BMI1: variants seen among roughly 807,000 people sequenced by gnomAD.
The protein encoded by BMI1 is polycomb complex protein BMI-1.
In BMI1, 9 loss-of-function variants were observed where a neutral mutation model predicts 39.1. That is an observed-to-expected ratio of 0.23 (90% CI 0.14 to 0.40). The LOEUF (loss-of-function observed/expected upper bound fraction) is 0.40, where lower values mean the gene tolerates loss of function less well. Among genes scored for constraint, BMI1 ranks in the 10% least tolerant of loss-of-function variants. The pLI, the probability that BMI1 is intolerant of heterozygous loss-of-function variation, is 1.00. For missense variants in BMI1, 252 were observed against 390.8 expected (o/e 0.64, Z 2.99); for synonymous variants, 131 against 127.9 (o/e 1.02, Z -0.16).
Position 22,321,838 on chromosome 10 carries a change from C to G in BMI1, c.-20+142C>G, listed in dbSNP as rs1192842366. 14 of 143,354 alleles carry G rather than the reference C, an allele frequency of 9.8e-5. 1 individual carries two copies. The highest frequency in any genetic ancestry group is 2.2e-4 in the African/African-American group (9 of 40,030). 8.9% of individuals were successfully genotyped at this position (143,354 alleles called of 1,614,324 possible). A position where few individuals can be genotyped will look rare whatever the true frequency, so the allele number is the denominator to read the frequency against. ...GGAGGGCGCTGACAGCGTGGGCGCC[C>G]GGCCCCGCGCCCCGCGCCGCCCGCC... On this transcript the variant is annotated intron_variant, in intron 1 of 9. Transcript: ENST00000376663.
In BMI1 at chr10:22,328,171, A is replaced by G. The variant is rs1836201168; in HGVS notation, c.463A>G (p.Lys155Glu). 1 of 1,600,148 alleles carries G rather than the reference A, an allele frequency of 6.2e-7. No homozygotes were observed. The highest frequency in any genetic ancestry group is 8.5e-7 in the Non-Finnish European group (1 of 1,176,114). The change falls in exon 7 of 10, where the codon AAG becomes GAG. Residue 155 changes from lysine to glutamate, a missense_variant. Coordinates refer to ENST00000376663, the MANE Select transcript of BMI1 (RefSeq NM_005180.9). The stretch of plus-strand genomic sequence containing the variant: ...AGTAAACAAAGACAAAGAGAAATCT[A>G]AGGAGGAGGTATGTTTCATGTTACA... Reference protein sequence around the residue: ...RKVNKDKEKSKEEVNDKRYLR... With the variant: ...RKVNKDKEKSEEEVNDKRYLR...
intron 7 of BMI1, 103 bp from the exon 8 acceptor site, chr10:22,328,497 A>G: frequency 1.6e-6 from 2 of 1,240,412 alleles, no homozygotes; most frequent in Non-Finnish European, 1.1e-6. Context: ...GTCACCTCCA[A>G]TTTTGTTTGA....
intron 7 of BMI1, 106 bp from the exon 8 acceptor site, chr10:22,328,494 C>T: frequency 8.4e-7 from 1 of 1,195,522 alleles, no homozygotes; most frequent in Non-Finnish European, 1.1e-6. Context: ...TTGGTCACCT[C>T]CAATTTTGTT....
intron 1 of BMI1, chr10:22,325,585 G>A (rs970286730): frequency 1.3e-4 from 1 of 7,526 alleles, no homozygotes; most frequent in African/African-American, 5.2e-4. Flanking sequence ...CACCCACCCC[G>A]CCCCCGCGCC....
rs775042796 is a variant in BMI1 at position 22,331,065 on chromosome 10, C to T, written c.*1523C>T. 6.6e-6 allele frequency: 1 copy of T among 152,548 alleles called. No homozygotes were observed. The highest frequency in any genetic ancestry group is 1.5e-5 in the Non-Finnish European group (1 of 67,986). 9.4% of individuals were successfully genotyped at this position (152,548 alleles called of 1,614,324 possible). A position where few individuals can be genotyped will look rare whatever the true frequency, so the allele number is the denominator to read the frequency against. ...TATAGTCATTAAATCATTACTTTTACATATATTGCTGTTACTTCTGCTTTC... is the reference window on the plus strand; with the variant it reads ...TATAGTCATTAAATCATTACTTTTATATATATTGCTGTTACTTCTGCTTTC... On this transcript the variant is annotated 3_prime_UTR_variant, in exon 10 of 10. Coordinates refer to ENST00000376663, the MANE Select transcript of BMI1 (RefSeq NM_005180.9).
At chr10:22,322,823 C>T (rs1341206689) in intron 1 of BMI1, among the ~76,000 whole-genome samples, 1 of 152,176 alleles carries the variant, frequency 6.6e-6, no homozygotes. Flanking sequence ...CATATGTTTA[C>T]GCAGTCACTT....
chr10:22,321,857 G>T (rs1836008578), intron 1 of BMI1, among the ~76,000 whole-genome samples, 161 bp downstream of exon 1: 1 of 142,900 alleles, frequency 7.0e-6, no homozygotes, highest in African/African-American at 2.5e-5. Flanking sequence ...GCCCCGCGCC[G>T]CCCGCCCCGC....
In BMI1 at chr10:22,329,434, TA is replaced by T; in HGVS notation, c.874del (p.Thr292LeufsTer2). ...PHPQFPHISS[T>X]MNGTSNSPSG... The stretch of plus-strand genomic sequence containing the variant: ...ATCCACAGTTTCCTCACATTTCCAG[TA>T]CTATGAATGGAACCAGCAACAGCCC... On this transcript the variant is annotated frameshift_variant, in exon 10 of 10. Coordinates refer to ENST00000376663, the MANE Select transcript of BMI1 (RefSeq NM_005180.9). LOFTEE classifies it high-confidence loss of function. 6.2e-7 allele frequency: 1 copy of T among 1,614,170 alleles called. No homozygotes were observed. The highest frequency in any genetic ancestry group is 8.5e-7 in the Non-Finnish European group (1 of 1,180,010).
At position 22,329,518 on chromosome 10, in the gene BMI1, G is replaced by A. The variant is rs750969308; in HGVS notation, c.957G>A (p.Gly319=). ...GACCTCGAAAATCATCAGTAAATGG[G>A]TCATCAGCAACTTCTTCTGGTTGAT... is the stretch of plus-strand genomic sequence containing the variant. ...ANRPRKSSVN[G]SSATSSG is the part of the protein sequence containing the mutation. The change falls in exon 10 of 10, where the codon GGG becomes GGA. Residue 319 remains glycine, a synonymous_variant. Transcript: ENST00000376663. The A allele has an allele frequency of 7.4e-6, 12 of 1,613,820 alleles. No individual in the cohort carries two copies. The Middle Eastern group carries it at 4.9e-4, about 66-fold the overall frequency.
intron 8 of BMI1, 111 bp from the exon 9 acceptor site, chr10:22,328,937 A>T: frequency 8.3e-7 from 1 of 1,203,740 alleles, no homozygotes; most frequent in Non-Finnish European, 1.1e-6. Flanking sequence ...TTTCTTTGTT[A>T]AAATGTTTGG....
chr10:22,326,717 A>G (rs781673647), intron 2 of BMI1, 156 bp downstream of exon 2: 2 of 1,331,510 alleles, frequency 1.5e-6, no homozygotes, highest in Non-Finnish European at 2.0e-6. Flanking sequence ...TTTTGTTAAT[A>G]TGTATTGATT....
At chr10:22,328,294 G>C (rs1588621158) in intron 7 of BMI1, 115 bp downstream of exon 7, 1 of 1,205,208 alleles carries the variant, frequency 8.3e-7, no homozygotes, top group East Asian at 2.6e-5. Flanking sequence ...AAATGGTCAT[G>C]TTTAATGTTT....
Position 22,329,636 on chromosome 10 carries a change from T to G in BMI1, c.*94T>G. The G allele has an allele frequency of 7.1e-7, 1 of 1,416,256 alleles. No individual in the cohort carries two copies. The highest frequency in any genetic ancestry group is 2.4e-5 in the East Asian group (1 of 42,216). The allele number at this position is 1,416,256 out of a possible 1,614,324, so 87.7% of individuals were successfully genotyped here. A position where few individuals can be genotyped will look rare whatever the true frequency, so the allele number is the denominator to read the frequency against. ...CTTTCTAGATGCTAATACATGTGAC[T>G]ATCGTCCAATTTGCTTTCTTTTGTA... On this transcript the variant is annotated 3_prime_UTR_variant, in exon 10 of 10. Coordinates refer to ENST00000376663, the MANE Select transcript of BMI1 (RefSeq NM_005180.9).
chr10:22,326,376 A>G, intron 1 of BMI1, 55 bp from the exon 2 acceptor site: 1 of 1,599,628 alleles, frequency 6.3e-7, no homozygotes, highest in Non-Finnish European at 8.5e-7. Flanking sequence ...TGTGATTACT[A>G]GATGATCTCC....
intron 1 of BMI1, among the ~76,000 whole-genome samples, chr10:22,322,783 C>G (rs979939997): frequency 2.6e-5 from 4 of 152,152 alleles, no homozygotes; most frequent in African/African-American, 9.7e-5. Context: ...CAAAGGGATG[C>G]TTTAGAAAAG....
intron 1 of BMI1, among the ~76,000 whole-genome samples, chr10:22,324,555 A>G (rs767183323): frequency 5.3e-5 from 8 of 152,328 alleles, no homozygotes; most frequent in Admixed American, 6.5e-5. Flanking sequence ...GGTCACTTTC[A>G]TAAGAGAGGC....
At position 22,329,006 on chromosome 10, in the gene BMI1, AC is replaced by A. The variant is rs765328446; in HGVS notation, c.571-40del. 7.8e-6 allele frequency: 12 copies of A among 1,537,618 alleles called. No homozygotes were observed. The Admixed American group carries it at 9.8e-5, about 13-fold the overall frequency. On this transcript the variant is annotated intron_variant, in intron 8 of 9. Transcript: ENST00000376663. ...TTTAAATGACAAAAAATGTACATTT[AC>A]CTTTGTTCTTTTATTACTTAATAAA...
rs1450962691 is a variant in BMI1 at position 22,330,873 on chromosome 10, A to AT, written c.*1337dup. Reference sequence around the variant, plus strand: ...AACCCCACCCAACAATTTTCAGTTTATTTTTTGCTTTGGTCGAACTTGGTG... The same window carrying AT: ...AACCCCACCCAACAATTTTCAGTTTATTTTTTTGCTTTGGTCGAACTTGGTG... On this transcript the variant is annotated 3_prime_UTR_variant, in exon 10 of 10. Transcript: ENST00000376663. 1.3e-5 allele frequency: 2 copies of AT among 152,488 alleles called. No homozygotes were observed. The highest frequency in any genetic ancestry group is 4.8e-5 in the African/African-American group (2 of 41,416). 9.4% of individuals were successfully genotyped at this position (152,488 alleles called of 1,614,324 possible).
At position 22,321,475 on chromosome 10, in the gene BMI1, G is replaced by GAGGCCGAGGCGCCGGAGC. The variant is rs1835996007; in HGVS notation, c.-237_-220dup. The GAGGCCGAGGCGCCGGAGC allele has an allele frequency of 6.3e-6, 1 of 158,570 alleles. No homozygotes were observed. Among genetic ancestry groups the GAGGCCGAGGCGCCGGAGC allele is most frequent in the Admixed American group, 6.5e-5 (1 of 15,310 alleles). 9.8% of individuals were successfully genotyped at this position (158,570 alleles called of 1,614,324 possible). Reference sequence around the variant, plus strand: ...GGAGGAGGAGGCCGAGGCGCCGGAGGAGGCCGAGGCGCCGGAGCAGGAGGA... The same window carrying GAGGCCGAGGCGCCGGAGC: ...GGAGGAGGAGGCCGAGGCGCCGGAGGAGGCCGAGGCGCCGGAGCAGGCCGAGGCGCCGGAGCAGGAGGA... On this transcript the variant is annotated 5_prime_UTR_variant, in exon 1 of 10. Transcript: ENST00000376663.
Sources: allele counts gnomAD v4.1 joint callset (sites outside exome capture counted in the v4.1 genomes callset), GRCh38; gene constraint gnomAD v4.1.1; transcripts MANE v1.5; gene names NCBI Gene and HGNC (gene_info 2026-07-23, HGNC 2026-07-21).